DBX2: variants seen among roughly 807,000 people sequenced by gnomAD.
The protein encoded by DBX2 is developing brain homeobox 2.
A neutral mutation model predicts 17.7 loss-of-function variants in DBX2; 16 were observed. The observed-to-expected ratio is 0.90, with a 90% CI of 0.61 to 1.37. The LOEUF is 1.37. Ranked by LOEUF, DBX2 falls within the 40% of genes most tolerant of loss-of-function variation. The probability of loss-of-function intolerance (pLI) is 0.00; values close to 1 mark genes in which losing one functional copy is unlikely to be tolerated. For missense variants in DBX2, 538 were observed against 433.8 expected (o/e 1.24, Z -2.13); for synonymous variants, 255 against 183.8 (o/e 1.39, Z -3.13).
intron 1 of DBX2, among the ~76,000 whole-genome samples, chr12:45,049,332 G>T (rs1260985198): frequency 2.0e-5 from 3 of 152,134 alleles, no homozygotes; most frequent in Admixed American, 2.0e-4. Flanking sequence ...ACTTCAAAAA[G>T]AACAGAGAGG....
intron 1 of DBX2, among the ~76,000 whole-genome samples, chr12:45,041,033 C>A (rs1592758250): frequency 1.4e-5 from 2 of 142,798 alleles, no homozygotes; most frequent in African/African-American, 5.2e-5. Context: ...CTTACTAAGG[C>A]AACCACTGGG....
chr12:45,050,488 CG>C, intron 1 of DBX2, 36 bp downstream of exon 1: 1 of 1,543,050 alleles, frequency 6.5e-7, no homozygotes, highest in Non-Finnish European at 8.7e-7. Flanking sequence ...CCTGGGGGCG[CG>C]GGCGCGGCTG....
intron 1 of DBX2, among the ~76,000 whole-genome samples, chr12:45,042,467 G>A (rs1032101865): frequency 2.0e-5 from 3 of 152,322 alleles, no homozygotes; most frequent in Middle Eastern, 3.4e-3. Context: ...AAAGAGGCAA[G>A]GATGGTGTTA....
At position 45,023,756 on chromosome 12, in the gene DBX2, T is replaced by C; in HGVS notation, c.638A>G (p.Lys213Arg). The C allele has an allele frequency of 6.2e-7, 1 of 1,614,202 alleles. No individual in the cohort carries two copies. Among genetic ancestry groups the C allele is most frequent in the Non-Finnish European group, 8.5e-7 (1 of 1,180,048 alleles). The change falls in exon 3 of 4, where the codon AAA (lysine) becomes AGA (arginine). Residue 213 changes from lysine (K) to arginine (R), a missense_variant. Transcript: ENST00000332700. ...KMFQKQKYIS[K>R]TDRKKLAINL... is the part of the protein sequence containing the mutation. ...GATGGCAAGTTTCTTTCGGTCTGTT[T>C]TGCTGATATATTTCTGTTTCTGAAA...
chr12:45,040,804 C>T (rs141505076), intron 1 of DBX2, among the ~76,000 whole-genome samples: 1,852 of 151,970 alleles, frequency 0.012, 42 homozygotes, highest in African/African-American at 0.042. Context: ...TTGTTTTTGT[C>T]CTTTTTATTC....
chr12:45,023,865 G>C lies in DBX2; in HGVS notation c.529C>G (p.Gln177Glu). 1.9e-6 allele frequency: 3 copies of C among 1,587,096 alleles called. No homozygotes were observed. In the Admixed American group the frequency reaches 5.4e-5, roughly 29 times the overall value. ...CTCCGAGCTTTGGAATTAGAGTCCT[G>C]TGTCAGGAGAGGCAGCATGCTCTCT... is the stretch of plus-strand genomic sequence containing the variant. ...REESMLPLLTQDSNSKARRGI... is the reference protein window; with the variant it reads ...REESMLPLLTEDSNSKARRGI... Residue 177 changes from glutamine to glutamate, a missense_variant, in exon 3 of 4, where the codon CAG (glutamine) becomes GAG (glutamate). Coordinates refer to ENST00000332700, the MANE Select transcript of DBX2 (RefSeq NM_001004329.3).
intron 3 of DBX2, among the ~76,000 whole-genome samples, chr12:45,020,123 C>T (rs192695934): frequency 6.6e-6 from 1 of 152,214 alleles, no homozygotes; most frequent in East Asian, 1.9e-4. Flanking sequence ...ACAGATAATG[C>T]AACCATCACC....
chr12:45,040,855 G>A (rs1041944120), intron 1 of DBX2, among the ~76,000 whole-genome samples: 14 of 152,086 alleles, frequency 9.2e-5, no homozygotes, highest in Admixed American at 6.6e-4. Flanking sequence ...TCTAAATGGT[G>A]TGAAACCACA....
At chr12:45,045,139 C>A (rs898584890) in intron 1 of DBX2, among the ~76,000 whole-genome samples, 1 of 152,046 alleles carries the variant, frequency 6.6e-6, no homozygotes, top group Non-Finnish European at 1.5e-5. Context: ...TTACAACTTG[C>A]CTTTTTATTC....
chr12:45,019,920 G>A (rs866004803), intron 3 of DBX2, among the ~76,000 whole-genome samples: 3 of 152,046 alleles, frequency 2.0e-5, no homozygotes, highest in Admixed American at 6.6e-5. Flanking sequence ...CAAGGAATAC[G>A]CATGAGCTTT....
intron 1 of DBX2, among the ~76,000 whole-genome samples, chr12:45,041,757 G>C (rs1946472530): frequency 6.6e-6 from 1 of 152,202 alleles, no homozygotes; most frequent in Non-Finnish European, 1.5e-5. Flanking sequence ...TATCTGTCAA[G>C]TGCTGAGCAC....
rs1156354174 is a variant in DBX2, at chr12:45,023,846, G to C, written c.548C>G (p.Ala183Gly). The change falls in exon 3 of 4, where the codon GCT (alanine) becomes GGT (glycine). Residue 183 changes from alanine (A) to glycine (G), a missense_variant. Physicochemically the swap from Ala to Gly is moderately conservative, Grantham distance 60. Coordinates refer to ENST00000332700, the MANE Select transcript of DBX2 (RefSeq NM_001004329.3). ...PLLTQDSNSKARRGILRRAVF... is the reference protein window; with the variant it reads ...PLLTQDSNSKGRRGILRRAVF... Reference sequence around the variant, plus strand: ...AGCTCTTCTTAAAATGCCCCTCCGAGCTTTGGAATTAGAGTCCTGTGTCAG... The same window carrying C: ...AGCTCTTCTTAAAATGCCCCTCCGACCTTTGGAATTAGAGTCCTGTGTCAG... 1 of 1,602,984 alleles carries C rather than the reference G, an allele frequency of 6.2e-7. No individual in the cohort carries two copies.
intron 1 of DBX2, among the ~76,000 whole-genome samples, chr12:45,046,448 C>T (rs904642314): frequency 2.0e-5 from 3 of 152,090 alleles, no homozygotes; most frequent in African/African-American, 7.2e-5. Context: ...TCAGCATCAT[C>T]AACACTCAAA....
chr12:45,040,663 G>A (rs1482723869), intron 1 of DBX2, among the ~76,000 whole-genome samples: 3 of 152,102 alleles, frequency 2.0e-5, no homozygotes, highest in Non-Finnish European at 4.4e-5. Context: ...ACCTAATGGT[G>A]AACTAGCCTG....
intron 1 of DBX2, among the ~76,000 whole-genome samples, chr12:45,039,304 T>C (rs1376118194): frequency 8.8e-6 from 1 of 113,236 alleles, no homozygotes; most frequent in East Asian, 4.8e-4. Context: ...TATATATATA[T>C]ATATATATAT....
chr12:45,034,256 C>G lies in DBX2; in HGVS notation c.499+1763G>C, dbSNP rs115018196. Among the ~76,000 whole-genome samples, 271 of 152,164 alleles carry G rather than the reference C, an allele frequency of 1.8e-3. 1 individual carries two copies. Among genetic ancestry groups the G allele is most frequent in the African/African-American group, 6.1e-3 (254 of 41,508 alleles). On this transcript the variant is annotated intron_variant, in intron 2 of 3. Transcript: ENST00000332700. ...CCAGTATCATATCATGATGAAATAA[C>G]TGAAGCTAAGTGTGGGACCTCTTTT...
chr12:45,050,553 T>C lies in DBX2; in HGVS notation c.375A>G (p.Arg125=). Residue 125 remains arginine, a synonymous_variant, in exon 1 of 4, where the codon CGA becomes CGG. Transcript: ENST00000332700. ...ARLPGRAPGD[R]DCTFQPSAPA... is the part of the protein sequence containing the mutation. ...GCGCTGAAGGCTGGAAGGTACAGTC[T>C]CGGTCCCCCGGAGCCCGGCCCGGCA... 1 of 1,552,876 alleles carries C rather than the reference T, an allele frequency of 6.4e-7. No individual in the cohort carries two copies. The highest frequency in any genetic ancestry group is 8.7e-7 in the Non-Finnish European group (1 of 1,149,162).
At chr12:45,029,692 G>A (rs1248959808) in intron 2 of DBX2, among the ~76,000 whole-genome samples, 2 of 151,654 alleles carry the variant, frequency 1.3e-5, no homozygotes, top group Non-Finnish European at 2.9e-5. Context: ...CGGTGAAACC[G>A]TCTCTACTAA....
At chr12:45,046,407 C>T (rs896909624) in intron 1 of DBX2, among the ~76,000 whole-genome samples, 15 of 152,138 alleles carry the variant, frequency 9.9e-5, no homozygotes, top group African/African-American at 3.4e-4. Flanking sequence ...CTATCCCATT[C>T]GGAATCCCCT....
Sources: gnomAD v4.1 joint callset for allele counts (sites outside exome capture counted in the v4.1 genomes callset) on GRCh38, gnomAD v4.1.1 for gene constraint, MANE v1.5 for transcripts, NCBI Gene and HGNC (gene_info 2026-07-23, HGNC 2026-07-21) for gene names.